The following SMYD3 variants were observed in gnomAD, a reference collection of about 807,000 sequenced individuals.
SMYD3 encodes SET and MYND domain containing 3.
SMYD3 carries 36 observed loss-of-function variants against 57.7 expected under a neutral mutation model. That is an observed-to-expected ratio of 0.62 (90% CI 0.48 to 0.82). The LOEUF is 0.82. Ranked by LOEUF, SMYD3 falls within the 40% of genes least tolerant of loss-of-function variation. The probability of loss-of-function intolerance (pLI) is 0.00; values close to 1 mark genes in which losing one functional copy is unlikely to be tolerated. For synonymous variants in SMYD3, 211 were observed against 195.0 expected (o/e 1.08, Z -0.68); for missense variants, 515 against 538.8 (o/e 0.96, Z 0.44).
intron 5 of SMYD3, among the ~76,000 whole-genome samples, chr1:245,997,701 T>TC (rs1451450955): frequency 1.3e-5 from 2 of 151,984 alleles, no homozygotes; most frequent in African/African-American, 4.8e-5. Flanking sequence ...TCCCAACCCT[T>TC]CCCCAGACCT....
chr1:245,875,452 T>C (rs1339155085), intron 8 of SMYD3, among the ~76,000 whole-genome samples: 1 of 152,244 alleles, frequency 6.6e-6, no homozygotes, highest in African/African-American at 2.4e-5. Flanking sequence ...ACCAGAGAAC[T>C]GCTCACTGAG....
chr1:245,760,828 G>A (rs984319244), intron 11 of SMYD3, among the ~76,000 whole-genome samples: 5 of 152,190 alleles, frequency 3.3e-5, no homozygotes, highest in African/African-American at 1.2e-4. Context: ...AGACCAGCTA[G>A]TGGGAGAGTG....
chr1:246,486,463 T>A (rs1172539326), intron 1 of SMYD3, among the ~76,000 whole-genome samples: 2 of 152,218 alleles, frequency 1.3e-5, no homozygotes, highest in African/African-American at 4.8e-5. Flanking sequence ...AATTGATATT[T>A]AATCTCTAAA....
chr1:246,098,768 A>G (rs998474593), intron 5 of SMYD3, among the ~76,000 whole-genome samples: 13 of 152,146 alleles, frequency 8.5e-5, no homozygotes, highest in African/African-American at 3.1e-4. Flanking sequence ...CAACTTTTCA[A>G]AAACATAATT....
At chr1:246,423,987 C>T (rs1037239165) in intron 1 of SMYD3, among the ~76,000 whole-genome samples, 4 of 152,038 alleles carry the variant, frequency 2.6e-5, no homozygotes, top group African/African-American at 9.7e-5. Context: ...AAAGGCAAAA[C>T]AAAAATTCCA....
intron 5 of SMYD3, among the ~76,000 whole-genome samples, chr1:246,315,481 C>T (rs1407817020): frequency 1.3e-5 from 2 of 152,154 alleles, no homozygotes; most frequent in African/African-American, 4.8e-5. Context: ...AGAAATATCA[C>T]AAACTCACAA....
At chr1:246,432,692 T>C (rs2067315031) in intron 1 of SMYD3, among the ~76,000 whole-genome samples, 2 of 152,188 alleles carry the variant, frequency 1.3e-5, no homozygotes, top group Admixed American at 6.5e-5. Flanking sequence ...TGGCAGACTA[T>C]TATCTAAAGC....
chr1:245,895,699 G>A (rs748299075), intron 8 of SMYD3, among the ~76,000 whole-genome samples: 3 of 152,110 alleles, frequency 2.0e-5, no homozygotes, highest in East Asian at 1.9e-4. Flanking sequence ...TCTGTTCCCC[G>A]GTTTTCACGG....
At chr1:246,497,980 C>G (rs914444827) in intron 1 of SMYD3, among the ~76,000 whole-genome samples, 6 of 152,008 alleles carry the variant, frequency 3.9e-5, no homozygotes, top group African/African-American at 1.4e-4. Context: ...AGATGTTTAA[C>G]TTCACCCATA....
rs1454484484 is a variant in SMYD3, at chr1:246,294,621, CAG to C, written c.531+32578_531+32579del. Among the ~76,000 whole-genome samples, 5 of 150,642 alleles carry C rather than the reference CAG, an allele frequency of 3.3e-5. No homozygotes were observed. The East Asian group carries it at 7.8e-4, about 24-fold the overall frequency. On this transcript the variant is annotated intron_variant, in intron 5 of 11. Transcript: ENST00000490107. The stretch of plus-strand genomic sequence containing the variant: ...TTAAGCTTCCTTTTTTTTTTTAAGA[CAG>C]AGTCTTACTCTGTTGCCCATGTTGG...
Position 246,317,869 on chromosome 1 carries a change from A to G in SMYD3, c.531+9332T>C, listed in dbSNP as rs535482310. 2.0e-4 allele frequency among the ~76,000 whole-genome samples: 30 copies of G among 152,016 alleles called. No individual in the cohort carries two copies. In the East Asian group the frequency reaches 5.4e-3, roughly 27 times the overall value. On this transcript the variant is annotated intron_variant, in intron 5 of 11. Transcript: ENST00000490107. ...TGACTCACTTTTGTCTCCTGCCTGG[A>G]AAGCCTAAATATTTACAATGTGAGC... is the stretch of plus-strand genomic sequence containing the variant.
At chr1:245,895,721 T>C (rs2053732196) in intron 8 of SMYD3, among the ~76,000 whole-genome samples, 1 of 152,266 alleles carries the variant, frequency 6.6e-6, no homozygotes, top group Non-Finnish European at 1.5e-5. Context: ...TTACAGGGCA[T>C]AGCCCAGGTG....
chr1:245,806,899 A>T (rs1289606961), intron 10 of SMYD3, among the ~76,000 whole-genome samples: 3 of 135,116 alleles, frequency 2.2e-5, no homozygotes, highest in African/African-American at 5.7e-5. Flanking sequence ...CCTGGGCGAC[A>T]GAGCGAGACT....
At chr1:246,195,779 A>G (rs2062822390) in intron 5 of SMYD3, among the ~76,000 whole-genome samples, 1 of 152,146 alleles carries the variant, frequency 6.6e-6, no homozygotes, top group Non-Finnish European at 1.5e-5. Context: ...GATTATTATA[A>G]TGGGTGAAGG....
intron 1 of SMYD3, among the ~76,000 whole-genome samples, chr1:246,474,304 G>C (rs974840119): frequency 6.6e-6 from 1 of 152,180 alleles, no homozygotes; most frequent in African/African-American, 2.4e-5. Flanking sequence ...TGGATCATGA[G>C]ATCAGGAGAT....
intron 11 of SMYD3, among the ~76,000 whole-genome samples, chr1:245,763,315 G>A (rs981198007): frequency 6.6e-6 from 1 of 152,170 alleles, no homozygotes; most frequent in African/African-American, 2.4e-5. Context: ...TCTCCTGGGG[G>A]CAGGGGTAAG....
rs1034902054 is a variant in SMYD3, at chr1:245,915,539, G to T, written c.804C>A (p.Thr268=). The change falls in exon 8 of 12, where the codon ACC becomes ACA. Residue 268 remains threonine (T), a synonymous_variant. Coordinates refer to ENST00000490107, the MANE Select transcript of SMYD3 (RefSeq NM_001167740.2). ...GTTCCATACTACATACCTTGTCCTG[G>T]GTTTGGCAACGGAAACAGTCACATT... ...CFECDCFRCQ[T]QDKDADMLTG... 1.2e-6 allele frequency: 2 copies of T among 1,611,812 alleles called. No individual in the cohort carries two copies. The highest frequency in any genetic ancestry group is 1.3e-5 in the African/African-American group (1 of 74,954).
chr1:246,335,473 T>A lies in SMYD3; in HGVS notation c.230A>T (p.Lys77Ile). The A allele has an allele frequency of 6.2e-7, 1 of 1,614,086 alleles. No individual in the cohort carries two copies. Among genetic ancestry groups the A allele is most frequent in the Non-Finnish European group, 8.5e-7 (1 of 1,179,938 alleles). ...CCGCTTGTGGTCTGGCCAAGCTTTT[T>A]TCTATTAAAACAAGAGTGGGGAGAA... ...VAKYCSAKCQ[K>I]KAWPDHKREC... The change falls in exon 3 of 12, where the codon AAA (lysine) becomes ATA (isoleucine). Residue 77 changes from lysine (K) to isoleucine (I), a missense_variant and splice_region_variant. Lys to Ile is a moderately radical substitution (Grantham distance 102). Transcript: ENST00000490107.
chr1:245,769,064 C>G (rs1264351986), intron 10 of SMYD3, among the ~76,000 whole-genome samples: 1 of 152,048 alleles, frequency 6.6e-6, no homozygotes, highest in Non-Finnish European at 1.5e-5. Flanking sequence ...CTAAATAGCT[C>G]CAGTTGTATG....
Sources: allele counts gnomAD v4.1 joint callset (sites outside exome capture counted in the v4.1 genomes callset), GRCh38; gene constraint gnomAD v4.1.1; transcripts MANE v1.5; gene names NCBI Gene and HGNC (gene_info 2026-07-23, HGNC 2026-07-21).